Variants in TSHZ2 observed in about 807,000 individuals in gnomAD.
The protein encoded by TSHZ2 is teashirt homolog 2.
In TSHZ2, 21 loss-of-function variants were observed where a neutral mutation model predicts 74.4. The observed-to-expected ratio is 0.28, with a 90% CI of 0.20 to 0.41. The LOEUF (loss-of-function observed/expected upper bound fraction) is 0.41, where lower values mean the gene tolerates loss of function less well. Among genes scored for constraint, TSHZ2 ranks in the 10% least tolerant of loss-of-function variants. TSHZ2 has a pLI of 1.00. For missense variants in TSHZ2, 1,244 were observed against 1,293.5 expected, an observed-to-expected ratio of 0.96 and a Z score of 0.59; for synonymous variants, 540 against 515.3, an observed-to-expected ratio of 1.05 and a Z score of -0.65.
chr20:53,012,830 G>T (rs1982903798), intron 1 of TSHZ2, among the ~76,000 whole-genome samples: 1 of 152,094 alleles, frequency 6.6e-6, no homozygotes, highest in South Asian at 2.1e-4. Context: ...CCTCGCACCT[G>T]CCACTTCAGC....
At chr20:53,376,940 A>G (rs528404538) in intron 2 of TSHZ2, among the ~76,000 whole-genome samples, 148 of 152,378 alleles carry the variant, frequency 9.7e-4, no homozygotes, top group African/African-American at 3.1e-3. Flanking sequence ...GCCAAATTCA[A>G]AAAGAGTGGA....
Position 53,186,616 on chromosome 20 carries a change from G to A in TSHZ2, c.41-66883G>A, listed in dbSNP as rs543206709. Among the ~76,000 whole-genome samples, 37 of 152,206 alleles carry A rather than the reference G, an allele frequency of 2.4e-4. 2 individuals carry two copies. The South Asian group carries it at 6.2e-3, about 26-fold the overall frequency. On this transcript the variant is annotated intron_variant, in intron 1 of 2. Transcript: ENST00000371497. ...TGTTTTCAGGGCAGCATGTCAAACC[G>A]AGGTACCCCCATTATTGAAGAAGGT...
chr20:53,182,234 C>CTCCTTCCT lies in TSHZ2; in HGVS notation c.41-71258_41-71251dup, dbSNP rs1555833729. Among the ~76,000 whole-genome samples the CTCCTTCCT allele has an allele frequency of 2.7e-5, 4 of 146,542 alleles. No homozygotes were observed. The South Asian group carries it at 8.9e-4, about 33-fold the overall frequency. On this transcript the variant is annotated intron_variant, in intron 1 of 2. Coordinates refer to ENST00000371497, the MANE Select transcript of TSHZ2 (RefSeq NM_173485.6). ...CACTCCCTCCTTCCCTCTTGACTCC[C>CTCCTTCCT]TCCTTCCTTCCTTCTATCATTTTTT...
intron 1 of TSHZ2, among the ~76,000 whole-genome samples, chr20:53,032,376 A>G (rs1359596882): frequency 2.0e-5 from 3 of 152,194 alleles, no homozygotes; most frequent in Non-Finnish European, 1.5e-5. Context: ...CCAATTTTCA[A>G]CTGGAAGTCA....
chr20:53,035,168 C>G (rs1347947399), intron 1 of TSHZ2, among the ~76,000 whole-genome samples: 1 of 152,136 alleles, frequency 6.6e-6, no homozygotes, highest in African/African-American at 2.4e-5. Flanking sequence ...AGCCTGGAAG[C>G]CTCAAGTTGC....
chr20:53,049,245 A>T (rs2123121616), intron 1 of TSHZ2, among the ~76,000 whole-genome samples: 1 of 152,202 alleles, frequency 6.6e-6, no homozygotes, highest in South Asian at 2.1e-4. Flanking sequence ...TTTTCTCACC[A>T]TTCCATGACT....
At chr20:53,196,960 A>T (rs1988886274) in intron 1 of TSHZ2, among the ~76,000 whole-genome samples, 1 of 152,204 alleles carries the variant, frequency 6.6e-6, no homozygotes, top group Non-Finnish European at 1.5e-5. Flanking sequence ...TTTTCTTTTT[A>T]CACAGAAAAT....
intron 2 of TSHZ2, among the ~76,000 whole-genome samples, chr20:53,287,008 A>AG (rs1194959621): frequency 3.9e-5 from 6 of 152,188 alleles, no homozygotes; most frequent in Non-Finnish European, 1.5e-5. Context: ...TTCATCATCT[A>AG]GGGGACAAGG....
chr20:53,434,000 C>G (rs574228420), intron 2 of TSHZ2, among the ~76,000 whole-genome samples: 1 of 152,296 alleles, frequency 6.6e-6, no homozygotes, highest in South Asian at 2.1e-4. Context: ...TCCCAAGTAG[C>G]TGGGACTACA....
At chr20:53,263,900 C>T (rs747857654) in intron 2 of TSHZ2, among the ~76,000 whole-genome samples, 1 of 152,192 alleles carries the variant, frequency 6.6e-6, no homozygotes, top group African/African-American at 2.4e-5. Context: ...GCAGGCTGGG[C>T]TCCCCTGGAG....
At chr20:53,439,664 G>A (rs142021997) in intron 2 of TSHZ2, among the ~76,000 whole-genome samples, 31 of 152,058 alleles carry the variant, frequency 2.0e-4, no homozygotes, top group South Asian at 8.3e-4. Context: ...CTAATTATAC[G>A]TGCAAGATCC....
chr20:52,997,042 C>T (rs1329750268), intron 1 of TSHZ2, among the ~76,000 whole-genome samples: 1 of 152,136 alleles, frequency 6.6e-6, no homozygotes, highest in African/African-American at 2.4e-5. Context: ...TGTTTGGGGA[C>T]ATTCATTGGG....
intron 2 of TSHZ2, among the ~76,000 whole-genome samples, chr20:53,370,135 C>T (rs915477874): frequency 6.6e-6 from 1 of 152,084 alleles, no homozygotes; most frequent in African/African-American, 2.4e-5. Context: ...TGCTGGGTGA[C>T]AGTAGGCAAG....
intron 1 of TSHZ2, among the ~76,000 whole-genome samples, chr20:53,055,918 G>C (rs930406432): frequency 5.3e-5 from 8 of 152,206 alleles, no homozygotes; most frequent in Non-Finnish European, 1.2e-4. Flanking sequence ...TTGCAACAGA[G>C]ACAGTGTGAC....
intron 1 of TSHZ2, among the ~76,000 whole-genome samples, chr20:53,052,293 C>CG (rs1395510518): frequency 6.6e-6 from 1 of 152,156 alleles, no homozygotes; most frequent in African/African-American, 2.4e-5. Context: ...CCCTGAGCTG[C>CG]GGGTCGCTAC....
chr20:53,427,442 G>A (rs1024142538), intron 2 of TSHZ2, among the ~76,000 whole-genome samples: 1 of 151,364 alleles, frequency 6.6e-6, no homozygotes, highest in Non-Finnish European at 1.5e-5. Flanking sequence ...CACCCCTGTC[G>A]ACTTAAACAC....
chr20:52,975,855 C>G lies in TSHZ2; in HGVS notation c.40+2522C>G, dbSNP rs549676869. The stretch of plus-strand genomic sequence containing the variant: ...TGGGGTTCTGTAGTCAGTTAACATC[C>G]AGGGAAGGGGAGAAGGTGGGTTCTA... On this transcript the variant is annotated intron_variant, in intron 1 of 2. Coordinates refer to ENST00000371497, the MANE Select transcript of TSHZ2 (RefSeq NM_173485.6). Among the ~76,000 whole-genome samples, 9 of 152,176 alleles carry G rather than the reference C, an allele frequency of 5.9e-5. No individual in the cohort carries two copies. The East Asian group carries it at 1.7e-3, about 29-fold the overall frequency.
At chr20:53,271,050 C>T (rs973656069) in intron 2 of TSHZ2, among the ~76,000 whole-genome samples, 4 of 152,200 alleles carry the variant, frequency 2.6e-5, no homozygotes, top group Non-Finnish European at 4.4e-5. Context: ...AAGAGCCAAT[C>T]AGGACCTCGT....
chr20:53,360,969 C>A (rs1361923118), intron 2 of TSHZ2, among the ~76,000 whole-genome samples: 5 of 152,202 alleles, frequency 3.3e-5, no homozygotes, highest in African/African-American at 1.2e-4. Context: ...TTTTCTCCCT[C>A]TGGGGGGCTA....
Sources: gnomAD v4.1 joint callset for allele counts (sites outside exome capture counted in the v4.1 genomes callset) on GRCh38, gnomAD v4.1.1 for gene constraint, MANE v1.5 for transcripts, NCBI Gene and HGNC (gene_info 2026-07-23, HGNC 2026-07-21) for gene names.